The following SH3PXD2B variants were observed in gnomAD, a reference collection of about 807,000 sequenced individuals.
SH3PXD2B encodes the protein SH3 and PX domain-containing protein 2B.
A neutral mutation model predicts 73.1 loss-of-function variants in SH3PXD2B; 37 were observed. The observed-to-expected ratio is 0.51, with a 90% CI of 0.39 to 0.67. The LOEUF (loss-of-function observed/expected upper bound fraction) is 0.67. Among genes scored for constraint, SH3PXD2B ranks in the 30% least tolerant of loss-of-function variants. The pLI is 0.00. For synonymous variants in SH3PXD2B, 457 were observed against 480.5 expected (o/e 0.95, Z 0.64); for missense variants, 1,053 against 1,197.8 (o/e 0.88, Z 1.78).
rs115066443 is a variant in SH3PXD2B at position 172,418,646 on chromosome 5, G to T, written c.156+3770C>A. ...CTCTTCCAGCTTTCCCTGCTGGGGT[G>T]TGTGTGGGGGAGGAGGCGGCCGGTT... On this transcript the variant is annotated intron_variant, in intron 2 of 12. Transcript: ENST00000311601. 7.8e-3 allele frequency among the ~76,000 whole-genome samples: 1,182 copies of T among 152,352 alleles called. 14 individuals carry two copies. The highest frequency in any genetic ancestry group is 0.027 in the African/African-American group (1,129 of 41,576).
chr5:172,348,703 C>CTTATCT, intron 10 of SH3PXD2B, among the ~76,000 whole-genome samples: 1 of 39,134 alleles, frequency 2.6e-5, no homozygotes, highest in African/African-American at 7.4e-5. Context: ...ATCTATCTAT[C>CTTATCT]TATCTATTTA....
chr5:172,337,106 G>A lies in SH3PXD2B; in HGVS notation c.*1263C>T. On this transcript the variant is annotated 3_prime_UTR_variant, in exon 13 of 13. Transcript: ENST00000311601. ...GGGCAACAGCTTAGAAGAGGGAACA[G>A]GGCTCTGTGTCAACCACCAGGACCC... The A allele has an allele frequency of 8.1e-6, 8 of 985,408 alleles. No homozygotes were observed. The highest frequency in any genetic ancestry group is 9.6e-6 in the Non-Finnish European group (8 of 830,006). The allele number at this position is 985,408 out of a possible 1,614,324, so 61.0% of individuals were successfully genotyped here.
chr5:172,420,859 G>A (rs1400708308), intron 2 of SH3PXD2B, among the ~76,000 whole-genome samples: 6 of 151,740 alleles, frequency 4.0e-5, no homozygotes, highest in Non-Finnish European at 8.8e-5. Context: ...GGGATCCGAG[G>A]ATAAAGCCAG....
chr5:172,368,455 ATATATATATATAT>A (rs1402393713), intron 6 of SH3PXD2B, among the ~76,000 whole-genome samples: 1 of 66,310 alleles, frequency 1.5e-5, no homozygotes, highest in Non-Finnish European at 2.7e-5. Context: ...AAGAATGCTT[ATATATATATATAT>A]TATATATATA....
Position 172,337,802 on chromosome 5 carries a change from C to T in SH3PXD2B, c.*567G>A. The T allele has an allele frequency of 5.0e-6, 5 of 999,630 alleles. No homozygotes were observed. The highest frequency in any genetic ancestry group is 6.0e-6 in the Non-Finnish European group (5 of 838,048). The allele number at this position is 999,630 out of a possible 1,614,324, so 61.9% of individuals were successfully genotyped here. Reference sequence around the variant, plus strand: ...AGTGGAACCTCAGAGGCCCACGGGCCTGAGGCTTTGGGGAAGGGGACACTT... The same window carrying T: ...AGTGGAACCTCAGAGGCCCACGGGCTTGAGGCTTTGGGGAAGGGGACACTT... On this transcript the variant is annotated 3_prime_UTR_variant, in exon 13 of 13. Coordinates refer to ENST00000311601, the MANE Select transcript of SH3PXD2B (RefSeq NM_001017995.3).
intron 2 of SH3PXD2B, among the ~76,000 whole-genome samples, chr5:172,411,576 C>T (rs929149698): frequency 2.6e-5 from 4 of 152,142 alleles, no homozygotes; most frequent in African/African-American, 9.7e-5. Flanking sequence ...AGCTGTGTGT[C>T]TTTGGCCAGA....
At chr5:172,349,247 A>C (rs1757100172) in intron 10 of SH3PXD2B, among the ~76,000 whole-genome samples, 1 of 152,204 alleles carries the variant, frequency 6.6e-6, no homozygotes, top group Non-Finnish European at 1.5e-5. Flanking sequence ...TGCCACTTAA[A>C]AACAGCTGGA....
chr5:172,355,355 G>A (rs981419893), intron 8 of SH3PXD2B, among the ~76,000 whole-genome samples: 5 of 152,160 alleles, frequency 3.3e-5, no homozygotes, highest in South Asian at 2.1e-4. Flanking sequence ...CCTCCTTCAC[G>A]GAAGCTGCAG....
chr5:172,439,692 G>GCACACACACACACACA (rs367799974), intron 1 of SH3PXD2B, among the ~76,000 whole-genome samples: 132 of 138,608 alleles, frequency 9.5e-4, no homozygotes, highest in Non-Finnish European at 1.3e-3. Context: ...GCACGCGCGC[G>GCACACACACACACACA]CACACACACA....
At chr5:172,379,706 C>T (rs1757899896) in intron 5 of SH3PXD2B, among the ~76,000 whole-genome samples, 1 of 152,218 alleles carries the variant, frequency 6.6e-6, no homozygotes, top group Non-Finnish European at 1.5e-5. Flanking sequence ...GAATTTTTCC[C>T]TGTGGCAGTC....
intron 4 of SH3PXD2B, among the ~76,000 whole-genome samples, chr5:172,384,659 G>C (rs1371678217): frequency 6.6e-6 from 1 of 152,174 alleles, no homozygotes; most frequent in Non-Finnish European, 1.5e-5. Context: ...TCCATTCAAG[G>C]TTCATGCTTG....
chr5:172,340,333 T>A (rs1448650356), intron 12 of SH3PXD2B, among the ~76,000 whole-genome samples: 2 of 152,202 alleles, frequency 1.3e-5, no homozygotes, highest in Admixed American at 6.5e-5. Context: ...AACGGGTCCC[T>A]CTGGGGATGC....
At chr5:172,373,894 A>G (rs1757765795) in intron 5 of SH3PXD2B, 79 bp from the exon 6 acceptor site, 1 of 1,506,280 alleles carries the variant, frequency 6.6e-7, no homozygotes, top group East Asian at 2.3e-5. Flanking sequence ...TCTGCCGGGA[A>G]ACTGAGATTC....
downstream of SH3PXD2B, among the ~76,000 whole-genome samples, chr5:172,332,854 ACCT>A (rs1332725709): frequency 6.7e-6 from 1 of 150,262 alleles, no homozygotes; most frequent in Non-Finnish European, 1.5e-5. Context: ...AGTGTGCTCC[ACCT>A]CCCAGGAGCA....
chr5:172,422,430 A>G lies in SH3PXD2B; in HGVS notation c.142T>C (p.Phe48Leu). The G allele has an allele frequency of 6.2e-7, 1 of 1,611,038 alleles. No homozygotes were observed. The highest frequency in any genetic ancestry group is 1.1e-5 in the South Asian group (1 of 90,024). ...CAAATCCTTACCTGGAGGTCAAAAAACTTGCTGTAGCGCCGGTAAATGGCC... is the reference window on the plus strand; with the variant it reads ...CAAATCCTTACCTGGAGGTCAAAAAGCTTGCTGTAGCGCCGGTAAATGGCC... ...TEAIYRRYSK[F>L]FDLQMQMLDK... The change falls in exon 2 of 13, where the codon TTT (phenylalanine) becomes CTT (leucine). Residue 48 changes from phenylalanine (F) to leucine (L), a missense_variant. Physicochemically the swap from Phe to Leu is conservative, Grantham distance 22 (BLOSUM62 0). Around this residue, in one of 2 missense-constraint regions of SH3PXD2B, gnomAD observed 466 missense variants for 607.1 expected, o/e 0.77. Coordinates refer to ENST00000311601, the MANE Select transcript of SH3PXD2B (RefSeq NM_001017995.3).
intron 1 of SH3PXD2B, among the ~76,000 whole-genome samples, chr5:172,453,311 C>T (rs553222296): frequency 1.3e-5 from 2 of 152,284 alleles, no homozygotes; most frequent in African/African-American, 4.8e-5. Context: ...CCGCCAGAGA[C>T]ACTATAGCCC....
chr5:172,374,004 T>C (rs149100531), intron 5 of SH3PXD2B, among the ~76,000 whole-genome samples, 189 bp from the exon 6 acceptor site: 122 of 152,278 alleles, frequency 8.0e-4, no homozygotes, highest in African/African-American at 2.7e-3. Flanking sequence ...ATTTTCCCCC[T>C]TTGCCTGATA....
chr5:172,404,717 C>T (rs1561925567), intron 3 of SH3PXD2B, among the ~76,000 whole-genome samples: 1 of 152,172 alleles, frequency 6.6e-6, no homozygotes, highest in Non-Finnish European at 1.5e-5. Flanking sequence ...AGTGACCTGC[C>T]AGGCATTTAC....
At chr5:172,407,095 T>C (rs557900677) in intron 2 of SH3PXD2B, among the ~76,000 whole-genome samples, 11 of 152,232 alleles carry the variant, frequency 7.2e-5, no homozygotes, top group Admixed American at 5.9e-4. Context: ...CCCCATGGGG[T>C]CTTAGGAAAG....
Sources: gnomAD v4.1 joint callset for allele counts (sites outside exome capture counted in the v4.1 genomes callset) on GRCh38, gnomAD v4.1.1 for gene constraint, gnomAD v4.1.1 regional missense constraint, MANE v1.5 for transcripts, NCBI Gene and HGNC (gene_info 2026-07-23, HGNC 2026-07-21) for gene names.